Variants in SLC16A10 observed in about 807,000 individuals in gnomAD.
SLC16A10 encodes monocarboxylate transporter 10.
SLC16A10 carries 27 observed loss-of-function variants against 40.0 expected under a neutral mutation model. The observed-to-expected ratio is 0.67, with a 90% CI of 0.50 to 0.93. The LOEUF (loss-of-function observed/expected upper bound fraction) is 0.93. SLC16A10 is among the 40% of genes least tolerant of loss of function. The probability of loss-of-function intolerance (pLI) is 0.00; values close to 1 mark genes in which losing one functional copy is unlikely to be tolerated. For synonymous variants in SLC16A10, 213 were observed against 249.8 expected, an observed-to-expected ratio of 0.85 and a Z score of 1.39; for missense variants, 529 against 658.2, an observed-to-expected ratio of 0.80 and a Z score of 2.15.
Position 111,224,086 on chromosome 6 carries a change from A to G in SLC16A10, c.*1851A>G, listed in dbSNP as rs1770949211. 6.6e-6 allele frequency: 1 copy of G among 152,212 alleles called. No individual in the cohort carries two copies. Among genetic ancestry groups the G allele is most frequent in the Admixed American group, 6.5e-5 (1 of 15,270 alleles). 9.4% of individuals were successfully genotyped at this position (152,212 alleles called of 1,614,324 possible). On this transcript the variant is annotated 3_prime_UTR_variant, in exon 6 of 6. Transcript: ENST00000368851. ...GAGACCCTGTGTCTACAAAAAATTT[A>G]AAAATTAGCCAGGCATGATGGTGCC...
intron 3 of SLC16A10, among the ~76,000 whole-genome samples, chr6:111,206,029 T>C (rs1241362467): frequency 6.6e-6 from 1 of 152,160 alleles, no homozygotes; most frequent in African/African-American, 2.4e-5. Flanking sequence ...GTGTAGCTTA[T>C]AATTGCATGC....
chr6:111,166,931 A>G (rs927914985), intron 1 of SLC16A10, among the ~76,000 whole-genome samples: 1 of 152,364 alleles, frequency 6.6e-6, no homozygotes, highest in East Asian at 1.9e-4. Flanking sequence ...GATGTCAAAC[A>G]TACACACATA....
At chr6:111,180,269 C>T (rs1772764651) in intron 3 of SLC16A10, among the ~76,000 whole-genome samples, 1 of 152,204 alleles carries the variant, frequency 6.6e-6, no homozygotes, top group African/African-American at 2.4e-5. Context: ...CTCAGCCAGG[C>T]ACAGTGGCTC....
chr6:111,151,363 C>T (rs1041073608), intron 1 of SLC16A10, among the ~76,000 whole-genome samples: 4 of 152,184 alleles, frequency 2.6e-5, no homozygotes, highest in South Asian at 4.1e-4. Context: ...CACTTTACCA[C>T]GTAGCTAAAT....
At chr6:111,123,259 C>T (rs545952584) in intron 1 of SLC16A10, among the ~76,000 whole-genome samples, 1 of 152,298 alleles carries the variant, frequency 6.6e-6, no homozygotes, top group African/African-American at 2.4e-5. Flanking sequence ...ATATAATTCT[C>T]TCATGAGCAA....
At chr6:111,132,256 AAAAG>A (rs1290628747) in intron 1 of SLC16A10, among the ~76,000 whole-genome samples, 3 of 148,516 alleles carry the variant, frequency 2.0e-5, no homozygotes, top group Non-Finnish European at 4.4e-5. Flanking sequence ...GTCAAAGAGA[AAAAG>A]AAAGAGAAAG....
In SLC16A10 at chr6:111,206,720, G is replaced by A; in HGVS notation, c.1071G>A (p.Lys357=). 4 of 1,614,122 alleles carry A rather than the reference G, an allele frequency of 2.5e-6. No homozygotes were observed. The highest frequency in any genetic ancestry group is 3.4e-6 in the Non-Finnish European group (4 of 1,180,024). ...TTGCAGATTATGTGCCTGGTGTGAA[G>A]AAGGTTTATCTACAGGTACTTTTTT... ...GRIADYVPGV[K]KVYLQVLSFF... Residue 357 remains lysine (K), a synonymous_variant, in exon 4 of 6, where the codon AAG becomes AAA. Transcript: ENST00000368851.
chr6:111,183,944 C>A (rs958164273), intron 3 of SLC16A10, among the ~76,000 whole-genome samples: 3 of 152,098 alleles, frequency 2.0e-5, no homozygotes, highest in African/African-American at 7.2e-5. Flanking sequence ...CATAGGGCCT[C>A]GTGAGATAAC....
At chr6:111,198,621 C>G (rs1311171400) in intron 3 of SLC16A10, among the ~76,000 whole-genome samples, 1 of 152,174 alleles carries the variant, frequency 6.6e-6, no homozygotes, top group Non-Finnish European at 1.5e-5. Flanking sequence ...ATTTGTGTAT[C>G]TAAACATGGA....
chr6:111,211,022 C>CAAA (rs36044806), intron 4 of SLC16A10, among the ~76,000 whole-genome samples: 1 of 119,580 alleles, frequency 8.4e-6, no homozygotes. Flanking sequence ...GACTCCGTCT[C>CAAA]AAAAAAAAAA....
chr6:111,225,654 A>T lies in SLC16A10; in HGVS notation c.*3419A>T, dbSNP rs1376961706. 1 of 152,020 alleles carries T rather than the reference A, an allele frequency of 6.6e-6. No homozygotes were observed. The highest frequency in any genetic ancestry group is 1.5e-5 in the Non-Finnish European group (1 of 68,026). The allele number at this position is 152,020 out of a possible 1,614,324, so 9.4% of individuals were successfully genotyped here. ...TGCATTTAAGAATATTTTAATTTAT[A>T]CGAATGTTACTTGAAATTGGCCTAT... On this transcript the variant is annotated 3_prime_UTR_variant, in exon 6 of 6. Coordinates refer to ENST00000368851, the MANE Select transcript of SLC16A10 (RefSeq NM_018593.5).
At position 111,225,873 on chromosome 6, in the gene SLC16A10, C is replaced by A. The variant is rs776856316; in HGVS notation, c.*3638C>A. The A allele has an allele frequency of 6.6e-6, 1 of 151,852 alleles. No individual in the cohort carries two copies. Among genetic ancestry groups the A allele is most frequent in the Non-Finnish European group, 1.5e-5 (1 of 67,958 alleles). The allele number at this position is 151,852 out of a possible 1,614,324, so 9.4% of individuals were successfully genotyped here. A position where few individuals can be genotyped will look rare whatever the true frequency, so the allele number is the denominator to read the frequency against. On this transcript the variant is annotated 3_prime_UTR_variant, in exon 6 of 6. Coordinates refer to ENST00000368851, the MANE Select transcript of SLC16A10 (RefSeq NM_018593.5). ...CTTATCCTCATCATTTTTTCATTTC[C>A]CTTTACTTCCTCCTATCCTTCAAAA...
intron 3 of SLC16A10, among the ~76,000 whole-genome samples, chr6:111,178,147 C>T (rs968945650): frequency 6.6e-6 from 1 of 152,156 alleles, no homozygotes; most frequent in African/African-American, 2.4e-5. Context: ...ACAAAGCTAG[C>T]GCTATGATTT....
At chr6:111,145,898 G>T (rs1054641328) in intron 1 of SLC16A10, among the ~76,000 whole-genome samples, 10 of 152,258 alleles carry the variant, frequency 6.6e-5, no homozygotes, top group Admixed American at 2.0e-4. Flanking sequence ...TGTGGCCTTG[G>T]ATTAGGCAAT....
At chr6:111,126,889 T>G (rs1429397808) in intron 1 of SLC16A10, among the ~76,000 whole-genome samples, 1 of 152,204 alleles carries the variant, frequency 6.6e-6, no homozygotes, top group Non-Finnish European at 1.5e-5. Context: ...GTTTTCTCAT[T>G]GTAAAATGGA....
At chr6:111,203,241 G>A (rs1437053920) in intron 3 of SLC16A10, among the ~76,000 whole-genome samples, 1 of 152,146 alleles carries the variant, frequency 6.6e-6, no homozygotes, top group Non-Finnish European at 1.5e-5. Flanking sequence ...TAGGCCACAA[G>A]TAGAACATAC....
intron 3 of SLC16A10, among the ~76,000 whole-genome samples, chr6:111,190,427 T>C (rs1772970487): frequency 6.6e-6 from 1 of 152,206 alleles, no homozygotes; most frequent in Non-Finnish European, 1.5e-5. Flanking sequence ...TGGAGGACGG[T>C]AGCCCTCTTC....
chr6:111,120,395 C>T (rs1771562732), intron 1 of SLC16A10, among the ~76,000 whole-genome samples: 1 of 152,146 alleles, frequency 6.6e-6, no homozygotes, highest in Non-Finnish European at 1.5e-5. Flanking sequence ...TGAGTTTCTA[C>T]ACAATATAAC....
chr6:111,118,003 CATT>C (rs1470941362), intron 1 of SLC16A10, among the ~76,000 whole-genome samples: 3 of 152,120 alleles, frequency 2.0e-5, no homozygotes, highest in African/African-American at 7.2e-5. Flanking sequence ...GACTTGGTGT[CATT>C]ATCATGTTAA....
Sources: allele counts gnomAD v4.1 joint callset (sites outside exome capture counted in the v4.1 genomes callset), GRCh38; gene constraint gnomAD v4.1.1; transcripts MANE v1.5; gene names NCBI Gene and HGNC (gene_info 2026-07-23, HGNC 2026-07-21).